The following RHBDL3 variants were observed in gnomAD, a reference collection of about 807,000 sequenced individuals.
RHBDL3 encodes rhomboid like 3.
In RHBDL3, 28 loss-of-function variants were observed where a neutral mutation model predicts 48.2. The ratio of observed to expected loss-of-function variants is 0.58; its 90% CI spans 0.43 to 0.80. RHBDL3 has a LOEUF of 0.80. RHBDL3 is among the 30% of genes least tolerant of loss of function. The pLI is 0.00. For missense variants in RHBDL3, 464 were observed against 542.7 expected (o/e 0.85, Z 1.44); for synonymous variants, 208 against 232.3 (o/e 0.90, Z 0.95).
intron 2 of RHBDL3, among the ~76,000 whole-genome samples, chr17:32,283,468 C>T (rs9898185): frequency 0.019 from 2,952 of 151,890 alleles, 101 homozygotes; most frequent in African/African-American, 0.066. Context: ...GGACTACAGG[C>T]GCACACCACC....
intron 2 of RHBDL3, among the ~76,000 whole-genome samples, chr17:32,272,125 A>C (rs1230709262): frequency 1.3e-5 from 2 of 152,258 alleles, no homozygotes; most frequent in Non-Finnish European, 2.9e-5. Flanking sequence ...TCCCTTTGCA[A>C]TATCTGATTT....
At chr17:32,295,221 C>T (rs565643666) in intron 5 of RHBDL3, among the ~76,000 whole-genome samples, 55 of 152,330 alleles carry the variant, frequency 3.6e-4, no homozygotes, top group African/African-American at 9.9e-4. Context: ...GCCCCAATGA[C>T]GCCATAATTC....
rs902425213 is a variant in RHBDL3, at chr17:32,266,037, G to A, written c.-153G>A. The A allele has an allele frequency of 8.2e-4, 123 of 150,388 alleles. No individual in the cohort carries two copies. The highest frequency in any genetic ancestry group is 1.4e-3 in the Admixed American group (20 of 14,740). 9.3% of individuals were successfully genotyped at this position (150,388 alleles called of 1,614,324 possible). ...AGGCGGCGGCGGCGCGGGGACCGGG[G>A]CCATGGGGGCGGGCGCGGGCTGCGG... On this transcript the variant is annotated 5_prime_UTR_variant, in exon 1 of 9. Transcript: ENST00000269051.
intron 3 of RHBDL3, among the ~76,000 whole-genome samples, chr17:32,285,400 G>T (rs958715067): frequency 6.6e-6 from 1 of 152,138 alleles, no homozygotes; most frequent in Non-Finnish European, 1.5e-5. Context: ...GCTGGGGAGT[G>T]GGGGCCGGGA....
At chr17:32,268,372 CTT>C (rs2039688094) in intron 2 of RHBDL3, among the ~76,000 whole-genome samples, 1 of 152,172 alleles carries the variant, frequency 6.6e-6, no homozygotes, top group African/African-American at 2.4e-5. Context: ...AGTATGGACT[CTT>C]TTGAAGTCTA....
chr17:32,312,440 GA>G (rs893679323), intron 7 of RHBDL3, among the ~76,000 whole-genome samples: 1 of 151,276 alleles, frequency 6.6e-6, no homozygotes, highest in African/African-American at 2.4e-5. Context: ...GTCTCAAAAG[GA>G]AAAAAAAGAA....
At chr17:32,318,696 A>C (rs1225370145) in intron 8 of RHBDL3, among the ~76,000 whole-genome samples, 1 of 152,066 alleles carries the variant, frequency 6.6e-6, no homozygotes, top group Non-Finnish European at 1.5e-5. Context: ...TAGCCAAGCT[A>C]GACAGTAAGC....
chr17:32,285,339 C>T lies in RHBDL3; in HGVS notation c.294+522C>T, dbSNP rs116893326. Among the ~76,000 whole-genome samples, 109 of 152,158 alleles carry T rather than the reference C, an allele frequency of 7.2e-4. No homozygotes were observed. The East Asian group carries it at 0.016, about 22-fold the overall frequency. ...CTGTAGCTGAGAGTGGGGTCAGTTA[C>T]GCCAAAATGAAGGGCTGCGAGTAGG... On this transcript the variant is annotated intron_variant, in intron 3 of 8. Coordinates refer to ENST00000269051, the MANE Select transcript of RHBDL3 (RefSeq NM_138328.3).
At chr17:32,318,783 G>T (rs912578534) in intron 8 of RHBDL3, among the ~76,000 whole-genome samples, 3 of 152,116 alleles carry the variant, frequency 2.0e-5, no homozygotes, top group African/African-American at 7.2e-5. Context: ...TGGGATGGAG[G>T]GTCAGGTCTG....
intron 2 of RHBDL3, among the ~76,000 whole-genome samples, chr17:32,282,723 G>T (rs984824087): frequency 6.6e-6 from 1 of 151,938 alleles, no homozygotes; most frequent in South Asian, 2.1e-4. Flanking sequence ...CCCAGGTTCA[G>T]GCCATTCTCC....
rs528653835 is a variant in RHBDL3 at position 32,288,820 on chromosome 17, G to A, written c.323G>A (p.Arg108His). 11 of 1,613,126 alleles carry A rather than the reference G, an allele frequency of 6.8e-6. No individual in the cohort carries two copies. Among genetic ancestry groups the A allele is most frequent in the South Asian group, 1.1e-5 (1 of 91,026 alleles). Reference sequence around the variant, plus strand: ...AGCAACAAGCGTTCCAACAGCTTCCGCCAAGCCATCCTGCAGGGCAACCGC... The same window carrying A: ...AGCAACAAGCGTTCCAACAGCTTCCACCAAGCCATCCTGCAGGGCAACCGC... The part of the protein sequence containing the change: ...LMSNKRSNSF[R>H]QAILQGNRRL... The change falls in exon 4 of 9, where the codon CGC becomes CAC. Residue 108 changes from arginine (R) to histidine (H), a missense_variant. Transcript: ENST00000269051.
chr17:32,271,638 C>T (rs1269104760), intron 2 of RHBDL3, among the ~76,000 whole-genome samples: 2 of 152,206 alleles, frequency 1.3e-5, no homozygotes, highest in Non-Finnish European at 2.9e-5. Context: ...TTAAAAATGC[C>T]TCCAAGATCT....
chr17:32,291,790 T>C (rs1359986782), intron 4 of RHBDL3, among the ~76,000 whole-genome samples: 1 of 142,294 alleles, frequency 7.0e-6, no homozygotes, highest in Non-Finnish European at 1.5e-5. Flanking sequence ...TTTTTTTTTT[T>C]AGACAGAGTC....
chr17:32,287,525 G>A (rs777667661), intron 3 of RHBDL3, among the ~76,000 whole-genome samples: 2 of 152,166 alleles, frequency 1.3e-5, no homozygotes, highest in African/African-American at 2.4e-5. Context: ...TTTTGACTAT[G>A]AGACAACAGA....
intron 2 of RHBDL3, among the ~76,000 whole-genome samples, chr17:32,282,612 A>G (rs1421816462): frequency 6.6e-6 from 1 of 152,092 alleles, no homozygotes; most frequent in Non-Finnish European, 1.5e-5. Context: ...TTCTTGTTCA[A>G]TTCTGTGGAG....
At chr17:32,317,546 G>A (rs777557943) in intron 8 of RHBDL3, among the ~76,000 whole-genome samples, 1 of 152,172 alleles carries the variant, frequency 6.6e-6, no homozygotes, top group African/African-American at 2.4e-5. Flanking sequence ...GGACATTTCA[G>A]GCAAAGCTGC....
At chr17:32,317,417 A>G (rs750511546) in intron 8 of RHBDL3, among the ~76,000 whole-genome samples, 3 of 152,220 alleles carry the variant, frequency 2.0e-5, no homozygotes, top group Admixed American at 6.5e-5. Context: ...AACTAGTCCA[A>G]GAACCTCTAG....
At chr17:32,310,981 T>C (rs2040836097) in intron 7 of RHBDL3, among the ~76,000 whole-genome samples, 1 of 152,106 alleles carries the variant, frequency 6.6e-6, no homozygotes, top group Non-Finnish European at 1.5e-5. Flanking sequence ...TACTTTCACA[T>C]TCCCTGTGTT....
chr17:32,274,622 T>A (rs2039851016), intron 2 of RHBDL3, among the ~76,000 whole-genome samples: 2 of 152,208 alleles, frequency 1.3e-5, no homozygotes, highest in Non-Finnish European at 2.9e-5. Context: ...CCCACCACTT[T>A]GGGAGGTTGA....
Sources: gnomAD v4.1 joint callset for allele counts (sites outside exome capture counted in the v4.1 genomes callset) on GRCh38, gnomAD v4.1.1 for gene constraint, MANE v1.5 for transcripts, NCBI Gene and HGNC (gene_info 2026-07-23, HGNC 2026-07-21) for gene names.